Variants in SOX5 observed in about 807,000 individuals in gnomAD.
SOX5 encodes the protein SRY-box transcription factor 5, also known as transcription factor SOX-5.
In SOX5, 9 loss-of-function variants were observed where a neutral mutation model predicts 92.0. That is an observed-to-expected ratio of 0.10 (90% CI 0.06 to 0.17). The LOEUF (loss-of-function observed/expected upper bound fraction) is 0.17. Among genes scored for constraint, SOX5 ranks in the 10% least tolerant of loss-of-function variants. The probability of loss-of-function intolerance (pLI) is 1.00; values close to 1 mark genes in which losing one functional copy is unlikely to be tolerated. For missense variants in SOX5, 642 were observed against 944.5 expected, an observed-to-expected ratio of 0.68 and a Z score of 4.20; for synonymous variants, 344 against 336.3, an observed-to-expected ratio of 1.02 and a Z score of -0.25.
intron 1 of SOX5, among the ~76,000 whole-genome samples, chr12:24,426,884 A>G (rs1966835213): frequency 6.6e-6 from 1 of 151,970 alleles, no homozygotes; most frequent in African/African-American, 2.4e-5. Flanking sequence ...TATCTAGTAA[A>G]CTTTGATTCA....
chr12:24,170,348 C>T (rs1015822970), intron 4 of SOX5, among the ~76,000 whole-genome samples: 5 of 152,120 alleles, frequency 3.3e-5, no homozygotes, highest in Non-Finnish European at 7.3e-5. Flanking sequence ...GCAAATGCCA[C>T]AGAACAAACC....
chr12:23,623,158 T>C (rs180827937), intron 8 of SOX5, among the ~76,000 whole-genome samples: 1 of 152,262 alleles, frequency 6.6e-6, no homozygotes, highest in Non-Finnish European at 1.5e-5. Flanking sequence ...AAAACATTTT[T>C]TGAAAGGTAC....
intron 1 of SOX5, among the ~76,000 whole-genome samples, chr12:23,913,853 T>C (rs1473119226): frequency 6.6e-6 from 1 of 152,160 alleles, no homozygotes; most frequent in African/African-American, 2.4e-5. Context: ...TGAAAGATTA[T>C]AAATTTTTAT....
intron 4 of SOX5, among the ~76,000 whole-genome samples, chr12:23,753,687 C>G (rs1181313165): frequency 6.6e-6 from 1 of 151,736 alleles, no homozygotes; most frequent in African/African-American, 2.4e-5. Flanking sequence ...CGCCACTGTT[C>G]TTGTCTAACT....
intron 4 of SOX5, among the ~76,000 whole-genome samples, chr12:23,971,922 G>A (rs1449340154): frequency 3.3e-5 from 5 of 151,900 alleles, no homozygotes; most frequent in Non-Finnish European, 4.4e-5. Flanking sequence ...TTTTATTGAC[G>A]AAAACACTGA....
chr12:23,709,105 T>G (rs1265851308), intron 6 of SOX5, among the ~76,000 whole-genome samples: 1 of 152,064 alleles, frequency 6.6e-6, no homozygotes, highest in East Asian at 1.9e-4. Context: ...TTTTTAAATT[T>G]TATTTATTTA....
rs765665395 is a variant in SOX5, at chr12:23,965,608, C to T, written c.-1-69584G>A. 7.2e-5 allele frequency among the ~76,000 whole-genome samples: 11 copies of T among 152,048 alleles called. No homozygotes were observed. In the East Asian group the frequency reaches 1.4e-3, roughly 19 times the overall value. ...AGCAACATTTCATTGTTTTCTGTTT[C>T]GTTTTGTTTTTGTTGTTGGTTTGTT... On this transcript the variant is annotated intron_variant, in intron 4 of 4. Transcript: ENST00000446891.
At position 23,736,416 on chromosome 12, in the gene SOX5, C is replaced by T. The variant is rs11609686; in HGVS notation, c.742-1664G>A. Among the ~76,000 whole-genome samples the T allele has an allele frequency of 8.5e-3, 1,287 of 151,994 alleles. 8 individuals are homozygous for T. The highest frequency in any genetic ancestry group is 0.014 in the South Asian group (66 of 4,814). ...AGTGGAGCTTGCAGTGAGCCAAGAT[C>T]GCTCCACTGCACTCCAGCCTGGGTG... On this transcript the variant is annotated intron_variant, in intron 5 of 14. Transcript: ENST00000451604.
chr12:24,406,134 T>G (rs946154882), intron 1 of SOX5, among the ~76,000 whole-genome samples: 5 of 152,252 alleles, frequency 3.3e-5, no homozygotes, highest in African/African-American at 1.2e-4. Flanking sequence ...TGAAGGTTCA[T>G]AAGAGGCATG....
chr12:24,123,937 T>C (rs1331194314), intron 4 of SOX5, among the ~76,000 whole-genome samples: 1 of 152,206 alleles, frequency 6.6e-6, no homozygotes, highest in African/African-American at 2.4e-5. Context: ...CTTCCAGAAG[T>C]TGCATGCTAA....
chr12:23,617,730 C>T (rs2076728796), intron 8 of SOX5, among the ~76,000 whole-genome samples: 1 of 152,094 alleles, frequency 6.6e-6, no homozygotes, highest in African/African-American at 2.4e-5. Context: ...ACTTCAAATG[C>T]ACGGGGTTTT....
At chr12:23,847,746 C>T (rs1362511977) in intron 2 of SOX5, among the ~76,000 whole-genome samples, 3 of 152,118 alleles carry the variant, frequency 2.0e-5, no homozygotes, top group East Asian at 1.9e-4. Context: ...TTCTCACAAA[C>T]ATTACAGAAT....
intron 4 of SOX5, among the ~76,000 whole-genome samples, chr12:24,082,099 C>T (rs900728679): frequency 2.0e-5 from 3 of 151,746 alleles, no homozygotes; most frequent in East Asian, 1.9e-4. Flanking sequence ...TTGCTATTTT[C>T]GAGCATGTGT....
intron 2 of SOX5, among the ~76,000 whole-genome samples, chr12:23,869,584 T>C (rs1220147841): frequency 1.3e-5 from 2 of 152,150 alleles, no homozygotes; most frequent in African/African-American, 2.4e-5. Context: ...ATGTGTGCCA[T>C]GGTCCTCTAG....
intron 2 of SOX5, among the ~76,000 whole-genome samples, chr12:24,283,461 A>G (rs1242659357): frequency 2.0e-5 from 3 of 152,230 alleles, no homozygotes; most frequent in African/African-American, 7.2e-5. Context: ...TCTGAGTAAC[A>G]AAAAGATGAC....
chr12:23,976,746 C>A (rs1163770873), intron 4 of SOX5, among the ~76,000 whole-genome samples: 2 of 151,934 alleles, frequency 1.3e-5, no homozygotes, highest in Non-Finnish European at 2.9e-5. Flanking sequence ...GAACATCAGT[C>A]CCGCTGATAA....
intron 4 of SOX5, among the ~76,000 whole-genome samples, chr12:24,162,296 T>C (rs1250611115): frequency 6.6e-6 from 1 of 152,148 alleles, no homozygotes; most frequent in African/African-American, 2.4e-5. Flanking sequence ...TTGAGAATGC[T>C]TCTGGATTAA....
intron 2 of SOX5, among the ~76,000 whole-genome samples, chr12:24,359,936 G>T (rs1380233150): frequency 2.0e-5 from 3 of 152,014 alleles, no homozygotes; most frequent in African/African-American, 7.3e-5. Context: ...TATAATATGG[G>T]GAATAAAGGT....
chr12:23,938,766 GT>G (rs1943086315), intron 1 of SOX5, among the ~76,000 whole-genome samples: 1 of 150,936 alleles, frequency 6.6e-6, no homozygotes, highest in Non-Finnish European at 1.5e-5. Flanking sequence ...GGAAACTACA[GT>G]TGCATTGCTG....
Sources: gnomAD v4.1 joint callset for allele counts (sites outside exome capture counted in the v4.1 genomes callset) on GRCh38, gnomAD v4.1.1 for gene constraint, MANE v1.5 for transcripts, NCBI Gene and HGNC (gene_info 2026-07-23, HGNC 2026-07-21) for gene names.